FBN2: variants seen among roughly 807,000 people sequenced by gnomAD.
FBN2 encodes fibrillin-2.
In FBN2, 105 loss-of-function variants were observed where a neutral mutation model predicts 355.6. The observed-to-expected ratio is 0.30, with a 90% confidence interval of 0.25 to 0.35. FBN2 has a LOEUF of 0.35. FBN2 is among the 10% of genes least tolerant of loss of function. The pLI, the probability that FBN2 is intolerant of heterozygous loss-of-function variation, is 1.00. For missense variants in FBN2, 3,280 were observed against 3,758.7 expected, an observed-to-expected ratio of 0.87 and a Z score of 3.33; for synonymous variants, 1,350 against 1,301.2, an observed-to-expected ratio of 1.04 and a Z score of -0.81.
At position 128,446,625 on chromosome 5, in the gene FBN2, T is replaced by C. The variant is rs199559284; in HGVS notation, c.827-19A>G. 2.1e-5 allele frequency: 34 copies of C among 1,612,636 alleles called. No homozygotes were observed. The East Asian group carries it at 7.1e-4, about 34-fold the overall frequency. On this transcript the variant is annotated intron_variant, in intron 6 of 64. Coordinates refer to ENST00000262464, the MANE Select transcript of FBN2 (RefSeq NM_001999.4). Reference sequence around the variant, plus strand: ...TCAACATCTGCAAGAAGAAAACATTTTGAACACAGATGACACTGGTTTTCA... The same window carrying C: ...TCAACATCTGCAAGAAGAAAACATTCTGAACACAGATGACACTGGTTTTCA...
intron 8 of FBN2, among the ~76,000 whole-genome samples, chr5:128,408,104 T>G (rs575053485): frequency 6.6e-6 from 1 of 152,310 alleles, no homozygotes; most frequent in Admixed American, 6.5e-5. Context: ...GTGCTGTGAT[T>G]ATGCATCAAA....
chr5:128,517,454 A>G (rs1435872232), intron 5 of FBN2, among the ~76,000 whole-genome samples: 1 of 152,214 alleles, frequency 6.6e-6, no homozygotes, highest in Non-Finnish European at 1.5e-5. Context: ...CTAACGTTTC[A>G]TAATTAATTT....
intron 6 of FBN2, among the ~76,000 whole-genome samples, chr5:128,454,793 T>C (rs968488454): frequency 6.6e-6 from 1 of 152,224 alleles, no homozygotes; most frequent in African/African-American, 2.4e-5. Flanking sequence ...TCCTGTGTCC[T>C]AGCTAGGGCC....
chr5:128,351,694 T>A (rs763164945), intron 20 of FBN2, among the ~76,000 whole-genome samples: 2 of 152,084 alleles, frequency 1.3e-5, no homozygotes, highest in Non-Finnish European at 2.9e-5. Flanking sequence ...TATAATTATA[T>A]CTATTGATAT....
At position 128,259,789 on chromosome 5, in the gene FBN2, G is replaced by A. The variant is rs752188402; in HGVS notation, c.8405C>T (p.Pro2802Leu). ...GGAGAGGTTGAACTTCATGTTGACG[G>A]GGCTGTCCATGTCGACACTCTCTAG... ...ISLESVDMDS[P>L]VNMKFNLSHL... Residue 2802 changes from proline to leucine, a missense_variant, in exon 65 of 65, where the codon CCC (proline) becomes CTC (leucine). Coordinates refer to ENST00000262464, the MANE Select transcript of FBN2 (RefSeq NM_001999.4). 3.7e-6 allele frequency: 6 copies of A among 1,613,644 alleles called. No homozygotes were observed. The highest frequency in any genetic ancestry group is 1.1e-5 in the South Asian group (1 of 91,054).
chr5:128,436,666 T>TAAAAAAAAAA (rs954029413), intron 7 of FBN2, among the ~76,000 whole-genome samples: 1 of 138,024 alleles, frequency 7.2e-6, no homozygotes, highest in Non-Finnish European at 1.6e-5. Context: ...TGGCTCCACT[T>TAAAAAAAAAA]AAAAAAAAAA....
intron 8 of FBN2, among the ~76,000 whole-genome samples, chr5:128,405,896 A>T (rs1752914351): frequency 6.6e-6 from 1 of 152,200 alleles, no homozygotes; most frequent in Non-Finnish European, 1.5e-5. Flanking sequence ...GCAATATTCT[A>T]GGAGACAAGT....
At chr5:128,298,165 G>A (rs6890068) in intron 48 of FBN2, among the ~76,000 whole-genome samples, 9 of 150,238 alleles carry the variant, frequency 6.0e-5, no homozygotes, top group East Asian at 1.9e-4. Context: ...AATATTGGCC[G>A]CCACTCTCTT....
intron 45 of FBN2, among the ~76,000 whole-genome samples, chr5:128,304,407 G>A (rs1749808289): frequency 6.6e-6 from 1 of 152,282 alleles, no homozygotes; most frequent in Non-Finnish European, 1.5e-5. Flanking sequence ...CATTACATTA[G>A]CTACTGGGAA....
At chr5:128,406,067 A>C (rs1561440918) in intron 8 of FBN2, among the ~76,000 whole-genome samples, 1 of 152,350 alleles carries the variant, frequency 6.6e-6, no homozygotes, top group East Asian at 1.9e-4. Flanking sequence ...TATAGAGTTC[A>C]AGAAAATCAA....
chr5:128,460,617 G>C (rs552376764), intron 6 of FBN2, among the ~76,000 whole-genome samples: 169 of 152,196 alleles, frequency 1.1e-3, no homozygotes, highest in African/African-American at 4.0e-3. Context: ...ATACTACAAG[G>C]CTACGGTAAC....
chr5:128,490,303 G>T (rs1581343027), intron 5 of FBN2, among the ~76,000 whole-genome samples: 1 of 152,150 alleles, frequency 6.6e-6, no homozygotes, highest in African/African-American at 2.4e-5. Flanking sequence ...CATACTGATG[G>T]TGAGAGATGT....
chr5:128,425,603 G>C (rs1316096126), intron 7 of FBN2, among the ~76,000 whole-genome samples: 2 of 152,118 alleles, frequency 1.3e-5, no homozygotes, highest in African/African-American at 4.8e-5. Flanking sequence ...AATTTAAGAA[G>C]TATTGATCTT....
chr5:128,485,367 T>A (rs952707840), intron 5 of FBN2, among the ~76,000 whole-genome samples: 8 of 152,304 alleles, frequency 5.3e-5, no homozygotes, highest in Admixed American at 3.3e-4. Flanking sequence ...AGTATTTTTT[T>A]ATTGTGAAAA....
At chr5:128,295,367 G>T (rs1456063781) in intron 48 of FBN2, among the ~76,000 whole-genome samples, 1 of 151,096 alleles carries the variant, frequency 6.6e-6, no homozygotes, top group African/African-American at 2.4e-5. Context: ...TTCCAATTCT[G>T]TGAAGAAAGG....
chr5:128,388,778 T>G (rs1752433327), intron 11 of FBN2, among the ~76,000 whole-genome samples: 1 of 152,146 alleles, frequency 6.6e-6, no homozygotes, highest in Admixed American at 6.5e-5. Context: ...TTTTTTTATT[T>G]CTTGTTAACC....
intron 34 of FBN2, among the ~76,000 whole-genome samples, chr5:128,327,717 C>T (rs1165660442): frequency 6.6e-6 from 1 of 152,062 alleles, no homozygotes; most frequent in African/African-American, 2.4e-5. Flanking sequence ...TGGCTCACCG[C>T]AACCTCCGCC....
chr5:128,506,842 C>T (rs940857019), intron 5 of FBN2, among the ~76,000 whole-genome samples: 2 of 152,018 alleles, frequency 1.3e-5, no homozygotes, highest in East Asian at 1.9e-4. Context: ...TTGTCAAATG[C>T]TTTGTCAGCT....
At chr5:128,410,463 T>C (rs970489434) in intron 7 of FBN2, among the ~76,000 whole-genome samples, 2 of 152,166 alleles carry the variant, frequency 1.3e-5, no homozygotes, top group Non-Finnish European at 2.9e-5. Context: ...AACTAAAACT[T>C]GCCTTCTCAC....
Sources: gnomAD v4.1 joint callset for allele counts (sites outside exome capture counted in the v4.1 genomes callset) on GRCh38, gnomAD v4.1.1 for gene constraint, MANE v1.5 for transcripts, NCBI Gene and HGNC (gene_info 2026-07-23, HGNC 2026-07-21) for gene names.